The following ASIC2 variants were observed in gnomAD, a reference collection of about 807,000 sequenced individuals.
ASIC2 encodes acid-sensing ion channel 2.
ASIC2 carries 25 observed loss-of-function variants against 57.3 expected under a neutral mutation model. The observed-to-expected ratio is 0.44, with a 90% CI of 0.32 to 0.61. The LOEUF is 0.61. ASIC2 is among the 20% of genes least tolerant of loss of function. The pLI is 0.06. For synonymous variants in ASIC2, 319 were observed against 307.5 expected, an observed-to-expected ratio of 1.04 and a Z score of -0.39; for missense variants, 641 against 738.1, an observed-to-expected ratio of 0.87 and a Z score of 1.52.
At chr17:33,495,714 G>C (rs1215359022) in intron 1 of ASIC2, among the ~76,000 whole-genome samples, 1 of 152,156 alleles carries the variant, frequency 6.6e-6, no homozygotes. Context: ...GGTAATGGGG[G>C]AGACACCACT....
At chr17:33,201,162 T>C (rs1224769943) in intron 1 of ASIC2, among the ~76,000 whole-genome samples, 1 of 152,202 alleles carries the variant, frequency 6.6e-6, no homozygotes, top group Non-Finnish European at 1.5e-5. Context: ...TACTTATGTA[T>C]CTTGTTTATT....
intron 1 of ASIC2, among the ~76,000 whole-genome samples, chr17:33,888,331 G>T (rs888490623): frequency 6.6e-6 from 1 of 152,090 alleles, no homozygotes; most frequent in Non-Finnish European, 1.5e-5. Flanking sequence ...AAGTGTGGGG[G>T]TGCTGCAAGC....
intron 1 of ASIC2, among the ~76,000 whole-genome samples, chr17:33,618,459 C>A (rs1905676657): frequency 6.6e-6 from 1 of 151,996 alleles, no homozygotes; most frequent in South Asian, 2.1e-4. Flanking sequence ...GAGAATATGT[C>A]CAAAGCCAAA....
At chr17:33,333,073 C>T (rs887598826) in intron 1 of ASIC2, among the ~76,000 whole-genome samples, 2 of 152,178 alleles carry the variant, frequency 1.3e-5, no homozygotes, top group Non-Finnish European at 2.9e-5. Context: ...AGGCCCATTG[C>T]CTCCTGAGGA....
intron 1 of ASIC2, among the ~76,000 whole-genome samples, chr17:33,485,503 CCTT>C (rs1211454264): frequency 6.6e-6 from 1 of 152,218 alleles, no homozygotes; most frequent in Non-Finnish European, 1.5e-5. Context: ...GCTTCAATAT[CCTT>C]CAAGTACTTA....
chr17:33,568,342 A>G (rs4795810), intron 1 of ASIC2, among the ~76,000 whole-genome samples: 65,422 of 152,158 alleles, frequency 0.43, 14,190 homozygotes, highest in South Asian at 0.53. Context: ...TATAGCTTAC[A>G]AAAAGCATTT....
chr17:33,143,497 G>A (rs1904414582), intron 1 of ASIC2, among the ~76,000 whole-genome samples: 1 of 152,094 alleles, frequency 6.6e-6, no homozygotes, highest in Admixed American at 6.5e-5. Flanking sequence ...AGTTAGAAAA[G>A]CTATTATTAA....
intron 1 of ASIC2, among the ~76,000 whole-genome samples, chr17:33,990,247 G>C (rs937125384): frequency 1.8e-4 from 27 of 152,174 alleles, no homozygotes; most frequent in African/African-American, 6.5e-4. Context: ...CAGGACCTCT[G>C]TGTGCCTCCA....
At chr17:33,692,670 G>A (rs1206911736) in intron 1 of ASIC2, among the ~76,000 whole-genome samples, 1 of 152,206 alleles carries the variant, frequency 6.6e-6, no homozygotes, top group Non-Finnish European at 1.5e-5. Flanking sequence ...GAGCCACTGA[G>A]TGAGTGGTGA....
chr17:33,636,868 T>C (rs530782632), intron 1 of ASIC2, among the ~76,000 whole-genome samples: 3 of 151,082 alleles, frequency 2.0e-5, no homozygotes, highest in Non-Finnish European at 4.4e-5. Context: ...AGCATATGCA[T>C]GCACACACAC....
At chr17:33,221,919 T>A (rs1011695884) in intron 1 of ASIC2, among the ~76,000 whole-genome samples, 1 of 152,244 alleles carries the variant, frequency 6.6e-6, no homozygotes, top group Non-Finnish European at 1.5e-5. Flanking sequence ...ATGATTGATT[T>A]GTATTTTCTT....
chr17:33,385,847 G>C (rs1263103660), intron 1 of ASIC2, among the ~76,000 whole-genome samples: 2 of 152,186 alleles, frequency 1.3e-5, no homozygotes, highest in South Asian at 2.1e-4. Context: ...CTGGAGGCCA[G>C]GTGATAACTG....
At chr17:33,674,901 CAT>C (rs1431490410) in intron 1 of ASIC2, among the ~76,000 whole-genome samples, 1 of 152,174 alleles carries the variant, frequency 6.6e-6, no homozygotes, top group Non-Finnish European at 1.5e-5. Context: ...TTGGGTAACT[CAT>C]TTCACTTTTC....
chr17:33,764,849 T>G (rs1025127433), intron 1 of ASIC2, among the ~76,000 whole-genome samples: 7 of 152,180 alleles, frequency 4.6e-5, no homozygotes, highest in Admixed American at 1.3e-4. Flanking sequence ...CCAAGCCCCT[T>G]GTGCCCTTTG....
At chr17:33,043,412 A>C (rs1307285543) in intron 3 of ASIC2, among the ~76,000 whole-genome samples, 1 of 152,228 alleles carries the variant, frequency 6.6e-6, no homozygotes, top group Non-Finnish European at 1.5e-5. Flanking sequence ...CATCTGCAGC[A>C]TGTAGGTTCA....
intron 1 of ASIC2, among the ~76,000 whole-genome samples, chr17:33,403,092 C>A (rs1345438309): frequency 1.3e-5 from 2 of 152,158 alleles, no homozygotes; most frequent in Non-Finnish European, 2.9e-5. Flanking sequence ...CTGCCTCTAC[C>A]ATAAACATAT....
At chr17:34,031,506 C>G (rs911419137) in intron 1 of ASIC2, among the ~76,000 whole-genome samples, 6 of 152,176 alleles carry the variant, frequency 3.9e-5, no homozygotes, top group East Asian at 3.9e-4. Flanking sequence ...AACAAAGCTG[C>G]ATGGACAATG....
chr17:33,952,378 T>G (rs7503133), intron 1 of ASIC2, among the ~76,000 whole-genome samples: 24,683 of 152,236 alleles, frequency 0.16, 2,245 homozygotes, highest in East Asian at 0.28. Flanking sequence ...CGGTGCTATG[T>G]GATCCTAGGC....
chr17:33,366,847 T>C (rs775930444), intron 1 of ASIC2, among the ~76,000 whole-genome samples: 1 of 152,236 alleles, frequency 6.6e-6, no homozygotes, highest in African/African-American at 2.4e-5. Context: ...AAAACTGAAA[T>C]TGGGCTTTAA....
Sources: allele counts gnomAD v4.1 joint callset (sites outside exome capture counted in the v4.1 genomes callset), GRCh38; gene constraint gnomAD v4.1.1; transcripts MANE v1.5; gene names NCBI Gene and HGNC (gene_info 2026-07-23, HGNC 2026-07-21).